Variants in MCTP1 observed in about 807,000 individuals in gnomAD.
The protein encoded by MCTP1 is multiple C2 and transmembrane domain-containing protein 1.
Under a neutral mutation model 120.6 loss-of-function variants are expected in MCTP1, and 69 were observed. The observed-to-expected ratio is 0.57, with a 90% CI of 0.47 to 0.70. MCTP1 has a LOEUF of 0.70. Ranked by LOEUF, MCTP1 falls within the 30% of genes least tolerant of loss-of-function variation. The pLI is 0.00. For missense variants in MCTP1, 1,203 were observed against 1,248.8 expected, an observed-to-expected ratio of 0.96 and a Z score of 0.55; for synonymous variants, 529 against 493.1, an observed-to-expected ratio of 1.07 and a Z score of -0.96.
intron 10 of MCTP1, among the ~76,000 whole-genome samples, chr5:94,906,106 A>G (rs1336650001): frequency 6.6e-6 from 1 of 152,136 alleles, no homozygotes; most frequent in Non-Finnish European, 1.5e-5. Context: ...TGAATTGAAC[A>G]ATGTGGTGGG....
intron 1 of MCTP1, among the ~76,000 whole-genome samples, chr5:95,204,813 C>T (rs1395088879): frequency 6.6e-6 from 1 of 151,720 alleles, no homozygotes; most frequent in Non-Finnish European, 1.5e-5. Context: ...TAAAAATAAG[C>T]AAAATTTATA....
At chr5:94,833,278 A>G (rs1190339482) in intron 17 of MCTP1, among the ~76,000 whole-genome samples, 4 of 152,148 alleles carry the variant, frequency 2.6e-5, no homozygotes, top group Admixed American at 1.3e-4. Context: ...CAACCTGTGT[A>G]GCTATAATAA....
chr5:94,975,635 T>C (rs1258340232), intron 2 of MCTP1, among the ~76,000 whole-genome samples: 2 of 151,976 alleles, frequency 1.3e-5, no homozygotes, highest in Non-Finnish European at 2.9e-5. Context: ...TCTTTGTTAA[T>C]TTCTGCAGAC....
At chr5:95,065,327 A>G (rs1219341333) in intron 1 of MCTP1, among the ~76,000 whole-genome samples, 1 of 152,058 alleles carries the variant, frequency 6.6e-6, no homozygotes. Flanking sequence ...AAAAACTGGC[A>G]AATCTCAATC....
At chr5:95,234,053 T>C (rs1562263047) in intron 1 of MCTP1, among the ~76,000 whole-genome samples, 1 of 151,544 alleles carries the variant, frequency 6.6e-6, no homozygotes, top group South Asian at 2.1e-4. Context: ...AAATTTCTAA[T>C]GTCAGAGTAA....
intron 1 of MCTP1, among the ~76,000 whole-genome samples, chr5:95,198,264 T>G (rs1750615024): frequency 6.6e-6 from 1 of 152,152 alleles, no homozygotes. Flanking sequence ...GTAAAAATAA[T>G]GAATTTCCAT....
At chr5:94,845,115 T>C (rs1354497180) in intron 17 of MCTP1, among the ~76,000 whole-genome samples, 1 of 152,114 alleles carries the variant, frequency 6.6e-6, no homozygotes. Flanking sequence ...ATAAGGAACT[T>C]AAATATATAA....
intron 17 of MCTP1, among the ~76,000 whole-genome samples, chr5:94,807,744 A>G (rs1017883973): frequency 2.6e-5 from 4 of 152,216 alleles, no homozygotes; most frequent in African/African-American, 9.6e-5. Context: ...GGGTGAAGCC[A>G]AAGTGAATCA....
chr5:95,245,389 G>T (rs925092110), intron 1 of MCTP1, among the ~76,000 whole-genome samples: 4 of 152,136 alleles, frequency 2.6e-5, no homozygotes, highest in African/African-American at 9.7e-5. Flanking sequence ...CGAGCTAAAG[G>T]CGCATGTTCT....
At position 94,908,255 on chromosome 5, in the gene MCTP1, C is replaced by T. The variant is rs1015862285; in HGVS notation, c.1652+996G>A. ...TGAAATGTAATGTAGTATTAGATTA[C>T]GGTGGTGTTTTCCAAGCTCACTTTA... On this transcript the variant is annotated intron_variant, in intron 10 of 22. Transcript: ENST00000515393. 5.3e-5 allele frequency among the ~76,000 whole-genome samples: 8 copies of T among 151,854 alleles called. No individual in the cohort carries two copies. The South Asian group carries it at 8.3e-4, about 16-fold the overall frequency.
At chr5:94,712,934 A>G (rs925178589) in intron 20 of MCTP1, among the ~76,000 whole-genome samples, 4 of 151,910 alleles carry the variant, frequency 2.6e-5, no homozygotes, top group Non-Finnish European at 5.9e-5. Context: ...CCTTACTCCT[A>G]TTGGAAGGAT....
intron 1 of MCTP1, among the ~76,000 whole-genome samples, chr5:95,091,519 C>T (rs1313732284): frequency 6.6e-6 from 1 of 152,078 alleles, no homozygotes; most frequent in African/African-American, 2.4e-5. Flanking sequence ...TGTGCAGCTA[C>T]CCCCTTGCTC....
intron 19 of MCTP1, among the ~76,000 whole-genome samples, chr5:94,735,061 C>T (rs1205660439): frequency 6.6e-6 from 1 of 152,194 alleles, no homozygotes; most frequent in East Asian, 1.9e-4. Flanking sequence ...TAAACTTCTA[C>T]TACAAGAAGT....
chr5:94,822,280 A>G (rs996407228), intron 17 of MCTP1, among the ~76,000 whole-genome samples: 17 of 151,616 alleles, frequency 1.1e-4, no homozygotes, highest in African/African-American at 3.6e-4. Flanking sequence ...TCATTGTTCA[A>G]CTCCCACTTA....
At position 94,942,788 on chromosome 5, in the gene MCTP1, C is replaced by T. The variant is rs730323; in HGVS notation, c.982-361G>A. 1.6e-3 allele frequency among the ~76,000 whole-genome samples: 243 copies of T among 152,016 alleles called. 2 individuals carry two copies. Among genetic ancestry groups the T allele is most frequent in the Middle Eastern group, 0.014 (4 of 292 alleles). On this transcript the variant is annotated intron_variant, in intron 3 of 22. Transcript: ENST00000515393. The stretch of plus-strand genomic sequence containing the variant: ...GATGAGAATATGATTCCAATATCTT[C>T]GTATTTTTTAGGCCATTAAAGATAC...
intron 2 of MCTP1, among the ~76,000 whole-genome samples, chr5:94,964,937 T>C (rs1825229992): frequency 6.6e-6 from 1 of 152,252 alleles, no homozygotes. Flanking sequence ...TTAATAATTT[T>C]GTCTTTGAAC....
chr5:94,983,695 CTATT>C (rs1467644541), intron 2 of MCTP1, among the ~76,000 whole-genome samples: 4 of 135,284 alleles, frequency 3.0e-5, no homozygotes, highest in Non-Finnish European at 6.5e-5. Flanking sequence ...ATCTATCTAT[CTATT>C]GGTTTCAACT....
chr5:94,789,172 T>C (rs1778368214), intron 18 of MCTP1: 1 of 152,236 alleles, frequency 6.6e-6, no homozygotes. Flanking sequence ...CATCATATTC[T>C]TATATGCATC....
At chr5:94,885,135 G>C (rs1314134832) in intron 12 of MCTP1, among the ~76,000 whole-genome samples, 1 of 152,096 alleles carries the variant, frequency 6.6e-6, no homozygotes, top group African/African-American at 2.4e-5. Context: ...ATTAATTTGA[G>C]AGATCAATTC....
Sources: gnomAD v4.1 joint callset for allele counts (sites outside exome capture counted in the v4.1 genomes callset) on GRCh38, gnomAD v4.1.1 for gene constraint, MANE v1.5 for transcripts, NCBI Gene and HGNC (gene_info 2026-07-23, HGNC 2026-07-21) for gene names.